Variants in KALRN observed in about 807,000 individuals in gnomAD.
The protein encoded by KALRN is kalirin.
KALRN carries 70 observed loss-of-function variants against 353.7 expected under a neutral mutation model. The observed-to-expected ratio is 0.20, with a 90% CI of 0.16 to 0.24. The LOEUF is 0.24. Among genes scored for constraint, KALRN ranks in the 10% least tolerant of loss-of-function variants. The probability of loss-of-function intolerance (pLI) is 1.00; values close to 1 mark genes in which losing one functional copy is unlikely to be tolerated. For missense variants in KALRN, 2,791 were observed against 3,756.7 expected, an observed-to-expected ratio of 0.74 and a Z score of 6.72; for synonymous variants, 1,391 against 1,434.8, an observed-to-expected ratio of 0.97 and a Z score of 0.69.
chr3:124,317,504 C>A (rs941128084), intron 6 of KALRN, among the ~76,000 whole-genome samples: 1 of 152,064 alleles, frequency 6.6e-6, no homozygotes, highest in Non-Finnish European at 1.5e-5. Context: ...ATCAGGCGTG[C>A]TAGAAGAAAT....
At chr3:124,142,110 A>C (rs7616880) in intron 1 of KALRN, among the ~76,000 whole-genome samples, 2,764 of 152,224 alleles carry the variant, frequency 0.018, 98 homozygotes, top group African/African-American at 0.063. Context: ...GCCCTTCCCA[A>C]GTACCCCAGG....
intron 34 of KALRN, among the ~76,000 whole-genome samples, chr3:124,603,692 T>A (rs968998625): frequency 6.6e-6 from 1 of 152,176 alleles, no homozygotes; most frequent in African/African-American, 2.4e-5. Context: ...ATTAAAAATG[T>A]GTGTCCTTGC....
At chr3:124,311,506 A>T (rs899493716) in intron 6 of KALRN, among the ~76,000 whole-genome samples, 25 of 152,158 alleles carry the variant, frequency 1.6e-4, no homozygotes, top group African/African-American at 5.8e-4. Context: ...AATGTTAGCA[A>T]GGATATGGAG....
intron 25 of KALRN, 104 bp from the exon 26 acceptor site, chr3:124,474,559 A>G (rs2061262595): frequency 9.5e-6 from 8 of 844,878 alleles, no homozygotes; most frequent in Non-Finnish European, 1.4e-5. Flanking sequence ...TAGAGAAGCC[A>G]TGTATAAATA....
At chr3:124,229,289 T>C (rs1288537636) in intron 2 of KALRN, among the ~76,000 whole-genome samples, 1 of 152,220 alleles carries the variant, frequency 6.6e-6, no homozygotes, top group Non-Finnish European at 1.5e-5. Context: ...CCTAAGGCAG[T>C]TGTTCTCAAA....
intron 1 of KALRN, among the ~76,000 whole-genome samples, chr3:124,208,445 CT>C (rs1225164030): frequency 1.3e-5 from 2 of 152,216 alleles, no homozygotes; most frequent in East Asian, 3.9e-4. Flanking sequence ...CTTGTATATA[CT>C]TTTTTGTATA....
intron 33 of KALRN, among the ~76,000 whole-genome samples, chr3:124,551,260 T>A (rs1252148439): frequency 2.6e-5 from 4 of 152,160 alleles, no homozygotes; most frequent in Non-Finnish European, 5.9e-5. Context: ...TGGGTTAACC[T>A]GAGCAAATGG....
chr3:124,496,957 T>C (rs1397241255), intron 33 of KALRN, among the ~76,000 whole-genome samples: 1 of 152,190 alleles, frequency 6.6e-6, no homozygotes, highest in Non-Finnish European at 1.5e-5. Flanking sequence ...GGCCAGATTA[T>C]TGGGGCTCAG....
At chr3:124,286,726 T>G (rs2075947426) in intron 5 of KALRN, among the ~76,000 whole-genome samples, 1 of 152,240 alleles carries the variant, frequency 6.6e-6, no homozygotes, top group South Asian at 2.1e-4. Context: ...AACATTCCAT[T>G]TTTTAATCCA....
At position 124,202,425 on chromosome 3, in the gene KALRN, A is replaced by G. The variant is rs551959752; in HGVS notation, c.74-25565A>G. Among the ~76,000 whole-genome samples, 166 of 152,078 alleles carry G rather than the reference A, an allele frequency of 1.1e-3. 1 individual carries two copies. Among genetic ancestry groups the G allele is most frequent in the Non-Finnish European group, 1.8e-3 (119 of 67,972 alleles). ...GCCACCATGCCCAGCTAATTTTTGT[A>G]TTCTTTGTAGAAATGGGTGTTTCAC... is the stretch of plus-strand genomic sequence containing the variant. On this transcript the variant is annotated intron_variant, in intron 1 of 59. Transcript: ENST00000682506.
chr3:124,073,842 G>T (rs1037701734), intron 1 of KALRN, among the ~76,000 whole-genome samples: 2 of 152,138 alleles, frequency 1.3e-5, no homozygotes, highest in Non-Finnish European at 2.9e-5. Flanking sequence ...TATTGGAATA[G>T]GCTTTTGCAG....
chr3:124,445,176 A>AG (rs2093797542), intron 19 of KALRN, among the ~76,000 whole-genome samples: 1 of 152,082 alleles, frequency 6.6e-6, no homozygotes, highest in South Asian at 2.1e-4. Context: ...TCTAAACCTC[A>AG]GTTTTCTCAT....
chr3:124,120,155 A>C (rs1469260185), intron 1 of KALRN, among the ~76,000 whole-genome samples: 1 of 152,172 alleles, frequency 6.6e-6, no homozygotes, highest in East Asian at 1.9e-4. Flanking sequence ...ACATGGGGTG[A>C]TGAGGATACC....
At chr3:124,371,972 C>A (rs368380110) in intron 10 of KALRN, among the ~76,000 whole-genome samples, 3 of 152,160 alleles carry the variant, frequency 2.0e-5, no homozygotes, top group South Asian at 2.1e-4. Context: ...TAAAAACCTT[C>A]CATCTACTCT....
At chr3:124,629,931 T>A (rs1201939271) in intron 34 of KALRN, among the ~76,000 whole-genome samples, 1 of 152,204 alleles carries the variant, frequency 6.6e-6, no homozygotes, top group Non-Finnish European at 1.5e-5. Flanking sequence ...ACCTAATCAG[T>A]GCTCCATGAC....
At chr3:124,163,645 AG>A (rs2070361203) in intron 1 of KALRN, 8 of 984,662 alleles carry the variant, frequency 8.1e-6, no homozygotes, top group Non-Finnish European at 9.6e-6. Flanking sequence ...GAAAGAAGAA[AG>A]GCTATAAAGG....
chr3:124,722,794 G>C lies in KALRN; in HGVS notation c.*3324G>C, dbSNP rs2063375538. Reference sequence around the variant, plus strand: ...AGTTCACAGTGGGAGTGAACTTTCAGCTGAAATGGGAAAAACAAACAATGG... The same window carrying C: ...AGTTCACAGTGGGAGTGAACTTTCACCTGAAATGGGAAAAACAAACAATGG... On this transcript the variant is annotated 3_prime_UTR_variant, in exon 60 of 60. Transcript: ENST00000682506. The C allele has an allele frequency of 6.6e-6, 1 of 152,160 alleles. No individual in the cohort carries two copies. The highest frequency in any genetic ancestry group is 1.5e-5 in the Non-Finnish European group (1 of 68,030). 9.4% of individuals were successfully genotyped at this position (152,160 alleles called of 1,614,324 possible). A position where few individuals can be genotyped will look rare whatever the true frequency, so the allele number is the denominator to read the frequency against.
intron 14 of KALRN, among the ~76,000 whole-genome samples, chr3:124,421,728 T>A (rs2092791605): frequency 6.6e-6 from 1 of 152,192 alleles, no homozygotes; most frequent in Non-Finnish European, 1.5e-5. Context: ...TTGCTCTCTC[T>A]CCGAGTTCGT....
intron 3 of KALRN, among the ~76,000 whole-genome samples, chr3:124,258,764 A>G (rs1013373087): frequency 1.7e-4 from 26 of 152,222 alleles, no homozygotes; most frequent in African/African-American, 5.3e-4. Flanking sequence ...TCAGAATTTC[A>G]TATATGTATG....
Sources: gnomAD v4.1 joint callset for allele counts (sites outside exome capture counted in the v4.1 genomes callset) on GRCh38, gnomAD v4.1.1 for gene constraint, MANE v1.5 for transcripts, NCBI Gene and HGNC (gene_info 2026-07-23, HGNC 2026-07-21) for gene names.